Variants in CLEC4A observed in about 807,000 individuals in gnomAD.
CLEC4A encodes C-type (calcium dependent, carbohydrate-recognition domain) lectin, superfamily member 6.
CLEC4A carries 27 observed loss-of-function variants against 32.7 expected under a neutral mutation model. The ratio of observed to expected loss-of-function variants is 0.83; its 90% confidence interval spans 0.61 to 1.14. The LOEUF is 1.14. Among genes scored for constraint, CLEC4A ranks in the 50% most tolerant of loss-of-function variants. The pLI is 0.00. For missense variants in CLEC4A, 253 were observed against 274.6 expected (o/e 0.92, Z 0.55); for synonymous variants, 89 against 93.7 (o/e 0.95, Z 0.29).
the CLEC4A span, among the ~76,000 whole-genome samples, chr12:8,114,916 G>A: frequency 2.0e-5 from 3 of 152,132 alleles, no homozygotes; most frequent in Admixed American, 1.3e-4. Context: ...GGACCCAATA[G>A]CATTTCTCAA....
the CLEC4A span, among the ~76,000 whole-genome samples, chr12:8,112,042 C>T: frequency 2.0e-5 from 3 of 152,058 alleles, no homozygotes; most frequent in South Asian, 2.1e-4. Context: ...AATCTCTGCT[C>T]ACCTCAGTCT....
chr12:8,104,482 A>G, the CLEC4A span, among the ~76,000 whole-genome samples: 3 of 152,202 alleles, frequency 2.0e-5, no homozygotes, highest in Admixed American at 1.3e-4. Flanking sequence ...ATGAATCCTA[A>G]TACAGGACAG....
intron 2 of CLEC4A, 27 bp downstream of exon 2, chr12:8,125,704 C>A: frequency 7.7e-7 from 1 of 1,299,868 alleles, no homozygotes; most frequent in Non-Finnish European, 1.1e-6. Flanking sequence ...AACCAATAAG[C>A]AATATCTGCT....
the CLEC4A span, among the ~76,000 whole-genome samples, chr12:8,111,056 G>T: frequency 2.0e-5 from 3 of 151,344 alleles, no homozygotes; most frequent in Non-Finnish European, 4.4e-5. Flanking sequence ...TGTATTTTTA[G>T]TATAGATGGG....
chr12:8,131,034 G>A (rs1947987889), intron 3 of CLEC4A, among the ~76,000 whole-genome samples: 1 of 151,998 alleles, frequency 6.6e-6, no homozygotes, highest in Non-Finnish European at 1.5e-5. Flanking sequence ...ATACTGGTCA[G>A]GTATATTATA....
rs781539513 is a variant in CLEC4A, at chr12:8,138,172, A to C, written c.599A>C (p.Asn200Thr). Residue 200 changes from asparagine (N) to threonine (T), a missense_variant, in exon 6 of 6, where the codon AAT becomes ACT. Asn to Thr is a moderately conservative substitution (Grantham distance 65). Coordinates refer to ENST00000229332, the MANE Select transcript of CLEC4A (RefSeq NM_016184.4). ...CATCCACGTGAGCCCAGTGATCCCA[A>C]TGAGCGCTGCGTTGTGCTAAATTTT... ...FWHPREPSDP[N>T]ERCVVLNFRK... 4 of 1,613,960 alleles carry C rather than the reference A, an allele frequency of 2.5e-6. No individual in the cohort carries two copies. The African/African-American group carries it at 4.0e-5, about 16-fold the overall frequency.
chr12:8,129,920 C>G (rs1213538171), intron 3 of CLEC4A, among the ~76,000 whole-genome samples: 1 of 152,156 alleles, frequency 6.6e-6, no homozygotes, highest in Admixed American at 6.5e-5. Flanking sequence ...ACTACAGCCT[C>G]GACCTCCCGG....
At chr12:8,136,731 G>T in intron 4 of CLEC4A, 57 bp from the exon 5 acceptor site, 4 of 1,046,366 alleles carry the variant, frequency 3.8e-6, no homozygotes, top group South Asian at 1.3e-5. Context: ...AAGGTATTAA[G>T]AATTCAGTTT....
the CLEC4A span, among the ~76,000 whole-genome samples, chr12:8,103,373 G>GTTT: frequency 6.0e-3 from 468 of 77,922 alleles, 47 homozygotes; most frequent in African/African-American, 0.015. Context: ...GTTTCTTTCT[G>GTTT]TTGTTTTTTT....
At chr12:8,105,746 T>G in the CLEC4A span, among the ~76,000 whole-genome samples, 1 of 152,200 alleles carries the variant, frequency 6.6e-6, no homozygotes, top group Admixed American at 6.5e-5. Context: ...GGTTGTTTGT[T>G]TTTTGCTTGT....
the CLEC4A span, among the ~76,000 whole-genome samples, chr12:8,110,876 AC>A: frequency 6.8e-6 from 1 of 147,758 alleles, no homozygotes; most frequent in East Asian, 2.0e-4. Flanking sequence ...CTTTCTAGAC[AC>A]TTTTTTTTTT....
chr12:8,133,353 T>C (rs1948034642), intron 3 of CLEC4A, among the ~76,000 whole-genome samples: 1 of 152,198 alleles, frequency 6.6e-6, no homozygotes, highest in Admixed American at 6.5e-5. Context: ...GCCCAGCCTT[T>C]TCTGTCTAGT....
At chr12:8,106,486 G>A in the CLEC4A span, among the ~76,000 whole-genome samples, 2 of 152,098 alleles carry the variant, frequency 1.3e-5, no homozygotes, top group African/African-American at 4.8e-5. Context: ...GGGCAGTATG[G>A]CCATTTTAAC....
chr12:8,138,307 C>T lies in CLEC4A; in HGVS notation c.*20C>T, dbSNP rs1276304415. 1 of 1,613,654 alleles carries T rather than the reference C, an allele frequency of 6.2e-7. No homozygotes were observed. The highest frequency in any genetic ancestry group is 1.3e-5 in the African/African-American group (1 of 75,002). Reference sequence around the variant, plus strand: ...TTATGAACTGAACATTCTCCATGAACAGGTGGTTGGATTGGTATCTGTCAT... The same window carrying T: ...TTATGAACTGAACATTCTCCATGAATAGGTGGTTGGATTGGTATCTGTCAT... On this transcript the variant is annotated 3_prime_UTR_variant, in exon 6 of 6. Transcript: ENST00000229332.
At chr12:8,121,282 G>A (rs957203900), upstream of CLEC4A, 4 of 152,322 alleles carry the variant, frequency 2.6e-5, no homozygotes, top group Admixed American at 2.6e-4. Flanking sequence ...ATCAATGATT[G>A]TTATTTCAGG....
chr12:8,125,389 T>G (rs1204304794), intron 1 of CLEC4A, among the ~76,000 whole-genome samples, 172 bp from the exon 2 acceptor site: 1 of 152,226 alleles, frequency 6.6e-6, no homozygotes, highest in Admixed American at 6.5e-5. Context: ...TTTTTAAAGT[T>G]TCTACAGTGA....
At chr12:8,104,505 A>G in the CLEC4A span, among the ~76,000 whole-genome samples, 1 of 152,176 alleles carries the variant, frequency 6.6e-6, no homozygotes, top group Admixed American at 6.5e-5. Flanking sequence ...GATTCTCTTC[A>G]AGAAACAATC....
At chr12:8,130,374 T>C (rs1002305520) in intron 3 of CLEC4A, among the ~76,000 whole-genome samples, 1 of 151,838 alleles carries the variant, frequency 6.6e-6, no homozygotes, top group African/African-American at 2.4e-5. Context: ...ATTATTGTTA[T>C]TATTATTATT....
At chr12:8,134,601 A>G in intron 3 of CLEC4A, 1 of 1,612,592 alleles carries the variant, frequency 6.2e-7, no homozygotes. Context: ...TTGGGGCACT[A>G]GCCCCACTCC....
Sources: allele counts gnomAD v4.1 joint callset (sites outside exome capture counted in the v4.1 genomes callset), GRCh38; gene constraint gnomAD v4.1.1; transcripts MANE v1.5; gene names NCBI Gene and HGNC (gene_info 2026-07-23, HGNC 2026-07-21).